EPHA5: variants seen among roughly 807,000 people sequenced by gnomAD.
EPHA5 encodes ephrin type-A receptor 5.
In EPHA5, 60 loss-of-function variants were observed where a neutral mutation model predicts 105.0. That is an observed-to-expected ratio of 0.57 (90% confidence interval 0.46 to 0.71). EPHA5 has a LOEUF of 0.71. EPHA5 is among the 30% of genes least tolerant of loss of function. The pLI is 0.00. For synonymous variants in EPHA5, 513 were observed against 449.1 expected (o/e 1.14, Z -1.80); for missense variants, 1,218 against 1,274.7 (o/e 0.96, Z 0.68).
chr4:65,600,949 G>T (rs960495443), intron 3 of EPHA5, among the ~76,000 whole-genome samples: 1 of 146,248 alleles, frequency 6.8e-6, no homozygotes, highest in Admixed American at 7.3e-5. Flanking sequence ...CAATTTAAAA[G>T]AAAAATAAAA....
chr4:65,556,649 A>G (rs1340299676), intron 3 of EPHA5, among the ~76,000 whole-genome samples: 1 of 152,164 alleles, frequency 6.6e-6, no homozygotes, highest in Non-Finnish European at 1.5e-5. Flanking sequence ...TCTGATTACT[A>G]TAGTAATATT....
intron 5 of EPHA5, among the ~76,000 whole-genome samples, chr4:65,432,462 G>C (rs1456154901): frequency 6.6e-6 from 1 of 152,164 alleles, no homozygotes; most frequent in Non-Finnish European, 1.5e-5. Flanking sequence ...AAACAAGTCA[G>C]AATATGTTTG....
Position 65,367,382 on chromosome 4 carries a change from T to C in EPHA5, c.1836A>G (p.Glu612=), listed in dbSNP as rs1386018864. ...YSKAKQDPEE[E]KMHFHNGHIK... is the part of the protein sequence containing the mutation. ...TGTGCCCATTATGAAAATGCATCTT[T>C]TCCTCTTCTGGATCTTGTTTTGCTT... The change falls in exon 9 of 17, where the codon GAA becomes GAG. Residue 612 remains glutamate (E), a synonymous_variant. Coordinates refer to ENST00000613740, the MANE Select transcript of EPHA5 (RefSeq NM_001281766.3). 1.2e-6 allele frequency: 2 copies of C among 1,612,184 alleles called. No homozygotes were observed. Among genetic ancestry groups the C allele is most frequent in the East Asian group, 4.5e-5 (2 of 44,820 alleles).
chr4:65,391,978 C>A (rs534014798), intron 8 of EPHA5, among the ~76,000 whole-genome samples: 1 of 152,048 alleles, frequency 6.6e-6, no homozygotes, highest in Non-Finnish European at 1.5e-5. Context: ...CTGAGCATTG[C>A]AGCATGTTTA....
At chr4:65,508,736 C>G (rs1000964023) in intron 3 of EPHA5, among the ~76,000 whole-genome samples, 9 of 151,818 alleles carry the variant, frequency 5.9e-5, no homozygotes, top group Non-Finnish European at 5.9e-5. Flanking sequence ...AAAACATTGA[C>G]AATGCAGTTT....
chr4:65,643,186 C>T (rs1468650206), intron 2 of EPHA5, among the ~76,000 whole-genome samples, 177 bp downstream of exon 2: 4 of 151,878 alleles, frequency 2.6e-5, no homozygotes, highest in Admixed American at 2.6e-4. Flanking sequence ...AAAGCCCTTC[C>T]CTAGTGTTCC....
rs2148896092 is a variant in EPHA5 at position 65,367,350 on chromosome 4, T to C, written c.1861+7A>G. The C allele has an allele frequency of 1.2e-6, 2 of 1,608,734 alleles. No homozygotes were observed. The highest frequency in any genetic ancestry group is 8.5e-7 in the Non-Finnish European group (1 of 1,177,402). On this transcript the variant is annotated splice_region_variant and intron_variant, in intron 9 of 16. Coordinates refer to ENST00000613740, the MANE Select transcript of EPHA5 (RefSeq NM_001281766.3). ...TATTCTATTTTTATTTTTTACAATT[T>C]GCTTACTGTGCCCATTATGAAAATG...
At chr4:65,544,566 G>A (rs1737186626) in intron 3 of EPHA5, among the ~76,000 whole-genome samples, 1 of 151,952 alleles carries the variant, frequency 6.6e-6, no homozygotes, top group Non-Finnish European at 1.5e-5. Flanking sequence ...TTATTAAAAA[G>A]TCAAGAAGTA....
At chr4:65,646,316 AG>A (rs1220783278) in intron 1 of EPHA5, among the ~76,000 whole-genome samples, 1 of 152,224 alleles carries the variant, frequency 6.6e-6, no homozygotes, top group Non-Finnish European at 1.5e-5. Context: ...GCCTCAGTTC[AG>A]AAGAGCTGAA....
chr4:65,587,132 C>CAGA (rs1465769730), intron 3 of EPHA5, among the ~76,000 whole-genome samples: 1 of 152,070 alleles, frequency 6.6e-6, no homozygotes. Flanking sequence ...CTCCTCCAGT[C>CAGA]AGAAACCTTG....
chr4:65,436,851 C>T (rs1578114876), intron 5 of EPHA5, among the ~76,000 whole-genome samples: 1 of 152,036 alleles, frequency 6.6e-6, no homozygotes, highest in African/African-American at 2.4e-5. Flanking sequence ...AAGTCTTTTT[C>T]CCCCCTTTAT....
rs554262264 is a variant in EPHA5 at position 65,400,513 on chromosome 4, C to T, written c.1793+3861G>A. 2.0e-5 allele frequency among the ~76,000 whole-genome samples: 3 copies of T among 152,168 alleles called. No individual in the cohort carries two copies. The South Asian group carries it at 6.2e-4, about 32-fold the overall frequency. ...AATTCTAACATGTTATACTTCTTTG[C>T]CATTTTGTTAAATAGGATTTTTCCT... is the stretch of plus-strand genomic sequence containing the variant. On this transcript the variant is annotated intron_variant, in intron 8 of 16. Transcript: ENST00000613740.
rs1313106996 is a variant in EPHA5 at position 65,324,069 on chromosome 4, C to G, written c.*45G>C. 7.7e-7 allele frequency: 1 copy of G among 1,293,410 alleles called. No individual in the cohort carries two copies. Among genetic ancestry groups the G allele is most frequent in the Non-Finnish European group, 1.1e-6 (1 of 894,648 alleles). 80.1% of individuals were successfully genotyped at this position (1,293,410 alleles called of 1,614,324 possible). On this transcript the variant is annotated 3_prime_UTR_variant, in exon 17 of 17. Coordinates refer to ENST00000613740, the MANE Select transcript of EPHA5 (RefSeq NM_001281766.3). ...TTAAAATAAATCTCAGTGCTGTTTACAAAGTGCAGAATCATTCACTTGAAG... is the reference window on the plus strand; with the variant it reads ...TTAAAATAAATCTCAGTGCTGTTTAGAAAGTGCAGAATCATTCACTTGAAG...
chr4:65,409,277 A>T (rs1212279151), intron 7 of EPHA5, among the ~76,000 whole-genome samples: 13 of 131,048 alleles, frequency 9.9e-5, no homozygotes, highest in Middle Eastern at 7.5e-3. Flanking sequence ...CCAGCATGGC[A>T]CATGTATACA....
intron 2 of EPHA5, among the ~76,000 whole-genome samples, chr4:65,604,335 T>C (rs1744022447): frequency 6.6e-6 from 1 of 152,226 alleles, no homozygotes; most frequent in African/African-American, 2.4e-5. Flanking sequence ...AATTTCAAAG[T>C]ATGTGCATAA....
In EPHA5 at chr4:65,626,381, A is replaced by C. The variant is rs987573455; in HGVS notation, c.246+16982T>G. ...TTACTTATGTTTTTCAGAGTCTATA[A>C]AAAATATTGCTAATAGCTATTTTCA... On this transcript the variant is annotated intron_variant, in intron 2 of 16. Transcript: ENST00000613740. Among the ~76,000 whole-genome samples, 6 of 152,298 alleles carry C rather than the reference A, an allele frequency of 3.9e-5. No homozygotes were observed. In the South Asian group the frequency reaches 6.2e-4, roughly 16 times the overall value.
intron 3 of EPHA5, among the ~76,000 whole-genome samples, chr4:65,597,076 C>A (rs1443858210): frequency 1.3e-5 from 2 of 152,140 alleles, no homozygotes; most frequent in African/African-American, 4.8e-5. Flanking sequence ...GTGCAATCAT[C>A]TCCCAGTTGG....
rs1056516448 is a variant in EPHA5, at chr4:65,564,751, G to A, written c.910+36890C>T. Among the ~76,000 whole-genome samples, 5 of 151,644 alleles carry A rather than the reference G, an allele frequency of 3.3e-5. No individual in the cohort carries two copies. In the Admixed American group the frequency reaches 3.3e-4, roughly 10 times the overall value. On this transcript the variant is annotated intron_variant, in intron 3 of 16. Transcript: ENST00000613740. ...AATGGAAAAAAATGAAGTATTACTA[G>A]AATTAAGCAATGTATTTGTATTTAG... is the stretch of plus-strand genomic sequence containing the variant.
At chr4:65,644,012 T>C (rs1209779946) in intron 1 of EPHA5, among the ~76,000 whole-genome samples, 2 of 152,016 alleles carry the variant, frequency 1.3e-5, no homozygotes, top group East Asian at 3.9e-4. Flanking sequence ...TAGCAGTTCT[T>C]GAGATAGTTG....
Sources: allele counts gnomAD v4.1 joint callset (sites outside exome capture counted in the v4.1 genomes callset), GRCh38; gene constraint gnomAD v4.1.1; transcripts MANE v1.5; gene names NCBI Gene and HGNC (gene_info 2026-07-23, HGNC 2026-07-21).